The following PCDHA6 variants were observed in gnomAD, a reference collection of about 807,000 sequenced individuals.
PCDHA6 encodes protocadherin alpha-6.
A neutral mutation model predicts 60.3 loss-of-function variants in PCDHA6; 55 were observed. That is an observed-to-expected ratio of 0.91 (90% CI 0.73 to 1.14). The LOEUF (loss-of-function observed/expected upper bound fraction) is 1.14. Among genes scored for constraint, PCDHA6 ranks in the 50% most tolerant of loss-of-function variants. PCDHA6 has a pLI of 0.00. For synonymous variants in PCDHA6, 652 were observed against 557.9 expected, an observed-to-expected ratio of 1.17 and a Z score of -2.38; for missense variants, 1,327 against 1,256.5, an observed-to-expected ratio of 1.06 and a Z score of -0.85.
Position 140,941,473 on chromosome 5 carries a change from G to A in PCDHA6, c.2395-37476G>A, listed in dbSNP as rs192163900. Among the ~76,000 whole-genome samples, 149 of 151,018 alleles carry A rather than the reference G, an allele frequency of 9.9e-4. 1 individual carries two copies. Among genetic ancestry groups the A allele is most frequent in the African/African-American group, 3.5e-3 (143 of 41,138 alleles). Reference sequence around the variant, plus strand: ...TGGGATTACAGGCGCCCACCACCACGCCTGGCTAATTTTTTGTATTTTTAG... The same window carrying A: ...TGGGATTACAGGCGCCCACCACCACACCTGGCTAATTTTTTGTATTTTTAG... On this transcript the variant is annotated intron_variant, in intron 1 of 3. Coordinates refer to ENST00000529310, the MANE Select transcript of PCDHA6 (RefSeq NM_018909.4).
At position 140,833,364 on chromosome 5, in the gene PCDHA6, G is replaced by A. The variant is rs1298324769; in HGVS notation, c.2394+2879G>A. On this transcript the variant is annotated intron_variant, in intron 1 of 3. Transcript: ENST00000529310. ...ACATTCCAGAAAACGAACACAGTAA[G>A]GTAGATCCAAAAAGGATGAAATACC... Among the ~76,000 whole-genome samples the A allele has an allele frequency of 2.6e-5, 4 of 152,118 alleles. No homozygotes were observed. In the South Asian group the frequency reaches 8.3e-4, roughly 31 times the overall value.
Position 140,830,091 on chromosome 5 carries a change from T to A in PCDHA6, c.2000T>A (p.Val667Glu). The change falls in exon 1 of 4, where the codon GTG (valine) becomes GAG (glutamate). Residue 667 changes from valine to glutamate, a missense_variant. Coordinates refer to ENST00000529310, the MANE Select transcript of PCDHA6 (RefSeq NM_018909.4). Reference sequence around the variant, plus strand: ...CTGACAGCGACGGCCACGGTTCTGGTGTCGCTGGTGGAGAGTGGCCAGGCT... The same window carrying A: ...CTGACAGCGACGGCCACGGTTCTGGAGTCGCTGGTGGAGAGTGGCCAGGCT... The part of the protein sequence containing the change: ...PALTATATVL[V>E]SLVESGQAPK... The A allele has an allele frequency of 6.2e-7, 1 of 1,613,542 alleles. No individual in the cohort carries two copies. The highest frequency in any genetic ancestry group is 8.5e-7 in the Non-Finnish European group (1 of 1,179,842).
chr5:141,000,375 C>G (rs1253953172), intron 3 of PCDHA6, among the ~76,000 whole-genome samples: 8 of 57,690 alleles, frequency 1.4e-4, no homozygotes, highest in Non-Finnish European at 1.9e-4. Context: ...CTCTCTCTCT[C>G]TCTCTCTCTC....
rs1159995588 is a variant in PCDHA6, at chr5:140,947,341, A to G, written c.2395-31608A>G. ...GGTTGACCATAAATGTGTGGGCTTA[A>G]TTCTGGACTCTATTTCACTCCTTTG... is the stretch of plus-strand genomic sequence containing the variant. On this transcript the variant is annotated intron_variant, in intron 1 of 3. Transcript: ENST00000529310. Among the ~76,000 whole-genome samples the G allele has an allele frequency of 2.6e-5, 4 of 151,804 alleles. No individual in the cohort carries two copies. The South Asian group carries it at 6.2e-4, about 24-fold the overall frequency.
chr5:141,001,324 C>G (rs1455380423), intron 3 of PCDHA6, among the ~76,000 whole-genome samples: 2 of 152,154 alleles, frequency 1.3e-5, no homozygotes, highest in Non-Finnish European at 1.5e-5. Flanking sequence ...TGCCAAACAT[C>G]ACCATAATTT....
chr5:140,877,563 C>G (rs2057203422), intron 1 of PCDHA6: 2 of 1,613,774 alleles, frequency 1.2e-6, no homozygotes, highest in African/African-American at 1.3e-5. Context: ...TGGATATTAA[C>G]GTGTACCTCA....
intron 1 of PCDHA6, among the ~76,000 whole-genome samples, chr5:140,894,192 T>C (rs1554185971): frequency 4.6e-5 from 7 of 152,168 alleles, no homozygotes; most frequent in Non-Finnish European, 1.5e-5. Flanking sequence ...TTATATATTT[T>C]TTCTATGCTA....
At chr5:140,867,679 G>A (rs1264964965) in intron 1 of PCDHA6, 1 of 151,996 alleles carries the variant, frequency 6.6e-6, no homozygotes, top group Non-Finnish European at 1.5e-5. Flanking sequence ...AAATTTTGTT[G>A]CATCTTCTTT....
intron 1 of PCDHA6, chr5:140,855,800 A>C: frequency 2.1e-6 from 1 of 475,828 alleles, no homozygotes; most frequent in Non-Finnish European, 3.7e-6. Context: ...TAACATATGA[A>C]TGAAAGAAAA....
At chr5:140,925,690 G>A (rs1029124411) in intron 1 of PCDHA6, among the ~76,000 whole-genome samples, 6 of 149,642 alleles carry the variant, frequency 4.0e-5, no homozygotes, top group African/African-American at 7.4e-5. Context: ...GCGAGGGTGG[G>A]TATCTAGCCT....
At chr5:140,913,862 T>G (rs1554196081) in intron 1 of PCDHA6, among the ~76,000 whole-genome samples, 1 of 152,218 alleles carries the variant, frequency 6.6e-6, no homozygotes, top group African/African-American at 2.4e-5. Flanking sequence ...GCATATTGTT[T>G]AATTTCCATG....
At chr5:140,911,316 A>G (rs1308533373) in intron 1 of PCDHA6, among the ~76,000 whole-genome samples, 1 of 152,186 alleles carries the variant, frequency 6.6e-6, no homozygotes, top group African/African-American at 2.4e-5. Context: ...TCCAAGTTTC[A>G]GGATCCCATT....
At chr5:140,898,099 A>C (rs1469393554) in intron 1 of PCDHA6, among the ~76,000 whole-genome samples, 2 of 152,168 alleles carry the variant, frequency 1.3e-5, no homozygotes, top group African/African-American at 4.8e-5. Flanking sequence ...GCCCTTTGTC[A>C]GATGAGTAGG....
At chr5:140,906,057 C>A (rs558964545) in intron 1 of PCDHA6, among the ~76,000 whole-genome samples, 7 of 152,326 alleles carry the variant, frequency 4.6e-5, no homozygotes, top group Admixed American at 2.0e-4. Context: ...GCTGCACTGG[C>A]AGCTGATTAG....
intron 1 of PCDHA6, among the ~76,000 whole-genome samples, chr5:140,943,614 A>G (rs1269579212): frequency 6.6e-6 from 1 of 152,220 alleles, no homozygotes; most frequent in Admixed American, 6.5e-5. Context: ...ACTTTGATTC[A>G]TCTGCATAAG....
intron 1 of PCDHA6, among the ~76,000 whole-genome samples, chr5:140,954,172 T>C (rs1297030972): frequency 6.6e-6 from 1 of 152,246 alleles, no homozygotes; most frequent in Non-Finnish European, 1.5e-5. Flanking sequence ...ATTTTCTTTA[T>C]CCAGTCTATC....
At chr5:140,916,527 C>T (rs2077599616) in intron 1 of PCDHA6, among the ~76,000 whole-genome samples, 1 of 152,162 alleles carries the variant, frequency 6.6e-6, no homozygotes, top group Non-Finnish European at 1.5e-5. Context: ...CTGGGTCCTT[C>T]CCACCAAGGC....
At chr5:140,909,502 G>A (rs1583705871) in intron 1 of PCDHA6, among the ~76,000 whole-genome samples, 2 of 152,180 alleles carry the variant, frequency 1.3e-5, no homozygotes. Flanking sequence ...CGGGGATGTG[G>A]TGGGAATCAC....
Position 140,830,407 on chromosome 5 carries a change from T to C in PCDHA6, c.2316T>C (p.Phe772=). Residue 772 remains phenylalanine, a synonymous_variant, in exon 1 of 4, where the codon TTT becomes TTC. Transcript: ENST00000529310. ...EGPPKMDLMA[F]SPSLSPCPIM... ...CACCCAAGATGGATCTCATGGCCTT[T>C]AGCCCCAGCCTTTCACCTTGTCCTA... 2.5e-6 allele frequency: 4 copies of C among 1,614,170 alleles called. No individual in the cohort carries two copies. The highest frequency in any genetic ancestry group is 2.2e-5 in the South Asian group (2 of 91,084).
Sources: gnomAD v4.1 joint callset for allele counts (sites outside exome capture counted in the v4.1 genomes callset) on GRCh38, gnomAD v4.1.1 for gene constraint, MANE v1.5 for transcripts, NCBI Gene and HGNC (gene_info 2026-07-23, HGNC 2026-07-21) for gene names.